NECAB1: variants seen among roughly 807,000 people sequenced by gnomAD.
The protein encoded by NECAB1 is N-terminal EF-hand calcium binding protein 1, also known as N-terminal EF-hand calcium-binding protein 1.
NECAB1 carries 29 observed loss-of-function variants against 57.5 expected under a neutral mutation model. The observed-to-expected ratio is 0.50, with a 90% CI of 0.38 to 0.69. The LOEUF (loss-of-function observed/expected upper bound fraction) is 0.69. Among genes scored for constraint, NECAB1 ranks in the 30% least tolerant of loss-of-function variants. The probability of loss-of-function intolerance (pLI) is 0.00; values close to 1 mark genes in which losing one functional copy is unlikely to be tolerated. For synonymous variants in NECAB1, 142 were observed against 147.7 expected (o/e 0.96, Z 0.28); for missense variants, 372 against 413.8 (o/e 0.90, Z 0.88).
At chr8:90,816,376 T>C (rs930884814) in intron 2 of NECAB1, among the ~76,000 whole-genome samples, 8 of 151,924 alleles carry the variant, frequency 5.3e-5, no homozygotes, top group African/African-American at 1.9e-4. Flanking sequence ...GTCCAATTTA[T>C]TAATTTTTCT....
chr8:90,849,770 C>T (rs1417000291), intron 3 of NECAB1, among the ~76,000 whole-genome samples: 1 of 145,982 alleles, frequency 6.9e-6, no homozygotes, highest in African/African-American at 2.5e-5. Context: ...CTCGGCTCAC[C>T]GCAAGCTCTG....
At chr8:90,954,242 G>T (rs1810975084) in intron 12 of NECAB1, among the ~76,000 whole-genome samples, 1 of 151,982 alleles carries the variant, frequency 6.6e-6, no homozygotes, top group African/African-American at 2.4e-5. Context: ...TGGTAAGATT[G>T]CTTTTTATGG....
At chr8:90,941,401 A>G (rs1810666136) in intron 10 of NECAB1, among the ~76,000 whole-genome samples, 1 of 152,232 alleles carries the variant, frequency 6.6e-6, no homozygotes, top group Non-Finnish European at 1.5e-5. Context: ...ATGAAGCAGC[A>G]GCAGATCTTT....
At chr8:90,806,779 T>C (rs1811853464) in intron 2 of NECAB1, 1 of 152,236 alleles carries the variant, frequency 6.6e-6, no homozygotes, top group African/African-American at 2.4e-5. Flanking sequence ...GTTTTGAGAA[T>C]TAAATGAGAT....
At chr8:90,881,501 C>G (rs1011950200) in intron 5 of NECAB1, among the ~76,000 whole-genome samples, 1 of 152,122 alleles carries the variant, frequency 6.6e-6, no homozygotes, top group Admixed American at 6.5e-5. Flanking sequence ...GATCACCAAT[C>G]CCCCAGTGCT....
intron 10 of NECAB1, among the ~76,000 whole-genome samples, chr8:90,941,473 A>G (rs185061400): frequency 6.6e-6 from 1 of 152,318 alleles, no homozygotes; most frequent in Admixed American, 6.5e-5. Context: ...CTACTAAAAT[A>G]TACTATTCCT....
At chr8:90,883,963 C>A (rs1331400447) in intron 5 of NECAB1, among the ~76,000 whole-genome samples, 2 of 152,118 alleles carry the variant, frequency 1.3e-5, no homozygotes, top group African/African-American at 4.8e-5. Context: ...GAATTCATCA[C>A]GTGCTATGTT....
At chr8:90,951,051 T>A in intron 11 of NECAB1, 62 bp from the exon 12 acceptor site, 3 of 1,012,698 alleles carry the variant, frequency 3.0e-6, no homozygotes, top group Non-Finnish European at 4.4e-6. Flanking sequence ...ATTTGATCTC[T>A]GCTGTACTTG....
chr8:90,796,911 G>A (rs1374766986), intron 1 of NECAB1, among the ~76,000 whole-genome samples: 2 of 152,186 alleles, frequency 1.3e-5, no homozygotes, highest in Non-Finnish European at 1.5e-5. Flanking sequence ...ACTTGAGATT[G>A]TTCTTTATGA....
At chr8:90,823,496 C>T (rs558407540) in intron 2 of NECAB1, among the ~76,000 whole-genome samples, 1 of 151,766 alleles carries the variant, frequency 6.6e-6, no homozygotes, top group East Asian at 1.9e-4. Context: ...CTTGTCTACC[C>T]ACCCCTCCAT....
intron 3 of NECAB1, among the ~76,000 whole-genome samples, chr8:90,851,589 C>T (rs1035277324): frequency 2.0e-5 from 3 of 152,116 alleles, no homozygotes; most frequent in African/African-American, 7.2e-5. Context: ...AAAAAGGGGG[C>T]ATCTTTTATT....
At chr8:90,929,423 A>G (rs1810353349) in intron 8 of NECAB1, among the ~76,000 whole-genome samples, 1 of 152,248 alleles carries the variant, frequency 6.6e-6, no homozygotes, top group African/African-American at 2.4e-5. Context: ...CAGATAGTCC[A>G]GAGGTCTGAA....
chr8:90,850,344 G>T (rs117912025), intron 3 of NECAB1, among the ~76,000 whole-genome samples: 3,949 of 152,288 alleles, frequency 0.026, 54 homozygotes, highest in East Asian at 0.037. Context: ...GTAACTTAAA[G>T]ATGGTCCTGT....
intron 2 of NECAB1, among the ~76,000 whole-genome samples, chr8:90,823,250 G>A (rs2129703546): frequency 6.6e-6 from 1 of 151,856 alleles, no homozygotes; most frequent in Non-Finnish European, 1.5e-5. Context: ...CTACCTCTAA[G>A]GCTGTGTCTG....
intron 5 of NECAB1, among the ~76,000 whole-genome samples, chr8:90,901,028 C>A (rs554978110): frequency 1.3e-3 from 192 of 151,956 alleles, no homozygotes; most frequent in Non-Finnish European, 2.2e-3. Flanking sequence ...AAAAATTTAC[C>A]CTTCAACATT....
At chr8:90,935,534 G>C (rs1810516707) in intron 9 of NECAB1, among the ~76,000 whole-genome samples, 1 of 152,096 alleles carries the variant, frequency 6.6e-6, no homozygotes, top group Admixed American at 6.6e-5. Flanking sequence ...ACTAAGAATA[G>C]CGGATTTGTG....
At chr8:90,860,453 CA>C (rs2129807799) in intron 3 of NECAB1, among the ~76,000 whole-genome samples, 1 of 152,144 alleles carries the variant, frequency 6.6e-6, no homozygotes, top group Non-Finnish European at 1.5e-5. Flanking sequence ...ATGAAGATAA[CA>C]GATGTATTTA....
At chr8:90,940,172 C>T (rs186794900) in intron 9 of NECAB1, 1 of 152,394 alleles carries the variant, frequency 6.6e-6, no homozygotes, top group Admixed American at 6.5e-5. Context: ...TAAAAACAAG[C>T]ACCATCTGAT....
intron 5 of NECAB1, among the ~76,000 whole-genome samples, chr8:90,884,101 C>T (rs1031578642): frequency 4.6e-5 from 7 of 152,048 alleles, no homozygotes; most frequent in African/African-American, 7.2e-5. Flanking sequence ...TGAGTGCAGC[C>T]GTGAAATTTT....
Sources: allele counts gnomAD v4.1 joint callset (sites outside exome capture counted in the v4.1 genomes callset), GRCh38; gene constraint gnomAD v4.1.1; transcripts MANE v1.5; gene names NCBI Gene and HGNC (gene_info 2026-07-23, HGNC 2026-07-21).